Variants in EXT2 observed in about 807,000 individuals in gnomAD.
The protein encoded by EXT2 is exostosin glycosyltransferase 2.
A neutral mutation model predicts 81.6 loss-of-function variants in EXT2; 53 were observed. The ratio of observed to expected loss-of-function variants is 0.65; its 90% CI spans 0.52 to 0.82. EXT2 has a LOEUF of 0.82. Ranked by LOEUF, EXT2 falls within the 40% of genes least tolerant of loss-of-function variation. The pLI, the probability that EXT2 is intolerant of heterozygous loss-of-function variation, is 0.00. For synonymous variants in EXT2, 320 were observed against 340.0 expected (o/e 0.94, Z 0.65); for missense variants, 774 against 910.2 (o/e 0.85, Z 1.93).
intron 10 of EXT2, among the ~76,000 whole-genome samples, chr11:44,210,346 A>G (rs1955632692): frequency 6.6e-6 from 1 of 152,256 alleles, no homozygotes; most frequent in Non-Finnish European, 1.5e-5. Flanking sequence ...ACATGCAACA[A>G]CATGGACAGT....
chr11:44,167,024 A>G (rs1458804841), intron 7 of EXT2, among the ~76,000 whole-genome samples: 1 of 152,190 alleles, frequency 6.6e-6, no homozygotes, highest in Admixed American at 6.5e-5. Flanking sequence ...ACCATTCCTG[A>G]GAGGAAGAAA....
At chr11:44,186,084 A>C (rs1040700121) in intron 8 of EXT2, among the ~76,000 whole-genome samples, 1 of 152,254 alleles carries the variant, frequency 6.6e-6, no homozygotes, top group Non-Finnish European at 1.5e-5. Flanking sequence ...TTTTCAGTGT[A>C]TTTATGAAGT....
intron 1 of EXT2, among the ~76,000 whole-genome samples, chr11:44,102,530 CTCTCTT>C (rs1262378163): frequency 1.4e-5 from 2 of 142,432 alleles, no homozygotes; most frequent in Non-Finnish European, 3.0e-5. Flanking sequence ...GTCTCTGTCT[CTCTCTT>C]TTTTTTTTTT....
At chr11:44,193,910 T>G (rs1339881808) in intron 8 of EXT2, among the ~76,000 whole-genome samples, 1 of 152,170 alleles carries the variant, frequency 6.6e-6, no homozygotes, top group African/African-American at 2.4e-5. Context: ...CATTCCTTCC[T>G]GTCCTTCCTC....
intron 10 of EXT2, among the ~76,000 whole-genome samples, chr11:44,208,346 A>G (rs781562841): frequency 2.0e-5 from 3 of 152,206 alleles, no homozygotes; most frequent in Non-Finnish European, 2.9e-5. Context: ...CTGTCTCTTA[A>G]GTATTTTCAG....
Position 44,247,988 on chromosome 11 carries a change from G to A in EXT2, c.*3701G>A, listed in dbSNP as rs1956109857. 6.6e-6 allele frequency among the ~76,000 whole-genome samples: 1 copy of A among 152,234 alleles called. No individual in the cohort carries two copies. The highest frequency in any genetic ancestry group is 6.5e-5 in the Admixed American group (1 of 15,292). On this transcript the variant is annotated 3_prime_UTR_variant, in exon 14 of 14. Coordinates refer to ENST00000533608, the MANE Select transcript of EXT2 (RefSeq NM_207122.2). ...ATGAAGCAGAGACTGGGTTTGGGAAGTGGTTGGGTTCTGGGAAGGCTCTTC... is the reference window on the plus strand; with the variant it reads ...ATGAAGCAGAGACTGGGTTTGGGAAATGGTTGGGTTCTGGGAAGGCTCTTC...
At position 44,108,095 on chromosome 11, in the gene EXT2, GGGA is replaced by G; in HGVS notation, c.385_387del (p.Glu129del). On this transcript the variant is annotated inframe_deletion, in exon 2 of 14. Transcript: ENST00000533608. ...GTCTCTGTCAGCAACACCATCTCCC[GGGA>G]GTATAATGAACTGCTCATGGCCATC... The G allele has an allele frequency of 6.2e-7, 1 of 1,614,156 alleles. No homozygotes were observed. The highest frequency in any genetic ancestry group is 8.5e-7 in the Non-Finnish European group (1 of 1,180,028).
At chr11:44,243,855 A>G (rs1293616621) in intron 13 of EXT2, among the ~76,000 whole-genome samples, 2 of 151,956 alleles carry the variant, frequency 1.3e-5, no homozygotes, top group African/African-American at 4.8e-5. Flanking sequence ...GGGGAGGGGA[A>G]AAGATACTCT....
At chr11:44,202,953 A>C (rs921445885) in intron 9 of EXT2, among the ~76,000 whole-genome samples, 9 of 152,124 alleles carry the variant, frequency 5.9e-5, no homozygotes, top group African/African-American at 2.2e-4. Context: ...TTAGTTTTCC[A>C]CCTGATGTCA....
At chr11:44,147,088 C>T (rs1954728317) in intron 7 of EXT2, among the ~76,000 whole-genome samples, 1 of 152,100 alleles carries the variant, frequency 6.6e-6, no homozygotes, top group Admixed American at 6.5e-5. Flanking sequence ...GCATGCCTGC[C>T]TTTTGTTGCC....
In EXT2 at chr11:44,248,779, G is replaced by A. The variant is rs1468165096; in HGVS notation, c.*4492G>A. On this transcript the variant is annotated 3_prime_UTR_variant, in exon 14 of 14. Coordinates refer to ENST00000533608, the MANE Select transcript of EXT2 (RefSeq NM_207122.2). ...TGGGAGGGTGTGTGGGTCTGTACAG[G>A]CAACCTTGTGTCATTCTTTCAATTT... 1.3e-5 allele frequency among the ~76,000 whole-genome samples: 2 copies of A among 152,116 alleles called. No homozygotes were observed. The highest frequency in any genetic ancestry group is 4.8e-5 in the African/African-American group (2 of 41,410).
intron 10 of EXT2, among the ~76,000 whole-genome samples, chr11:44,227,676 T>G (rs1267195025): frequency 2.6e-5 from 4 of 152,114 alleles, no homozygotes; most frequent in African/African-American, 7.2e-5. Context: ...ACAAAAGACC[T>G]CAGGAGGCTC....
chr11:44,226,613 C>A (rs956363974), intron 10 of EXT2, among the ~76,000 whole-genome samples: 17 of 152,332 alleles, frequency 1.1e-4, no homozygotes, highest in Admixed American at 9.8e-4. Flanking sequence ...AGCTTTGTTC[C>A]CAGAGGGCTG....
intron 8 of EXT2, among the ~76,000 whole-genome samples, chr11:44,182,427 C>T (rs759992051): frequency 5.9e-5 from 9 of 151,296 alleles, no homozygotes; most frequent in East Asian, 1.9e-4. Context: ...TTTTTTTTTG[C>T]TTTGCCATGT....
At chr11:44,127,055 T>C in intron 6 of EXT2, 100 bp downstream of exon 6, 4 of 1,436,078 alleles carry the variant, frequency 2.8e-6, no homozygotes, top group Non-Finnish European at 3.9e-6. Flanking sequence ...GTTCAAGAAC[T>C]ACTACAGATA....
At chr11:44,205,950 A>G (rs1193738572) in intron 9 of EXT2, among the ~76,000 whole-genome samples, 1 of 152,254 alleles carries the variant, frequency 6.6e-6, no homozygotes, top group Non-Finnish European at 1.5e-5. Flanking sequence ...GCAACATTTT[A>G]AAACAAAGAA....
intron 7 of EXT2, among the ~76,000 whole-genome samples, chr11:44,141,138 G>A (rs551526551): frequency 3.3e-5 from 5 of 152,146 alleles, no homozygotes; most frequent in Non-Finnish European, 7.3e-5. Context: ...CTACAAAATG[G>A]CATAGTATTT....
chr11:44,199,161 G>A (rs1339831906), intron 9 of EXT2, among the ~76,000 whole-genome samples: 2 of 152,142 alleles, frequency 1.3e-5, no homozygotes, highest in African/African-American at 4.8e-5. Flanking sequence ...CTATAACATG[G>A]CCAGTTTTCT....
At chr11:44,209,324 A>G (rs187428511) in intron 10 of EXT2, among the ~76,000 whole-genome samples, 8 of 152,138 alleles carry the variant, frequency 5.3e-5, no homozygotes, top group Admixed American at 4.6e-4. Context: ...TGTGTGATAG[A>G]CAGTAGATTT....
Sources: gnomAD v4.1 joint callset for allele counts (sites outside exome capture counted in the v4.1 genomes callset) on GRCh38, gnomAD v4.1.1 for gene constraint, MANE v1.5 for transcripts, NCBI Gene and HGNC (gene_info 2026-07-23, HGNC 2026-07-21) for gene names.